CACNA1D: variants seen among roughly 807,000 people sequenced by gnomAD.
CACNA1D encodes the protein voltage-dependent L-type calcium channel subunit alpha-1D.
CACNA1D carries 55 observed loss-of-function variants against 257.1 expected under a neutral mutation model. The observed-to-expected ratio is 0.21, with a 90% CI of 0.17 to 0.27. CACNA1D has a LOEUF of 0.27. CACNA1D is among the 10% of genes least tolerant of loss of function. CACNA1D has a pLI of 1.00. For synonymous variants in CACNA1D, 980 were observed against 1,014.9 expected, an observed-to-expected ratio of 0.97 and a Z score of 0.65; for missense variants, 1,876 against 2,784.0, an observed-to-expected ratio of 0.67 and a Z score of 7.34.
intron 47 of CACNA1D, chr3:53,810,663 CAGG>C (rs1051453106): frequency 7.6e-5 from 26 of 344,316 alleles, no homozygotes; most frequent in African/African-American, 5.3e-4. Flanking sequence ...GAGGCTGCAG[CAGG>C]AGAACTGCTT....
chr3:53,611,262 G>C (rs1265298523), intron 3 of CACNA1D, among the ~76,000 whole-genome samples: 1 of 152,178 alleles, frequency 6.6e-6, no homozygotes, highest in East Asian at 1.9e-4. Context: ...GCATGTGCCT[G>C]TAATACCAGA....
intron 20 of CACNA1D, among the ~76,000 whole-genome samples, chr3:53,739,388 G>C (rs1267242467): frequency 2.0e-5 from 3 of 152,228 alleles, no homozygotes; most frequent in Non-Finnish European, 4.4e-5. Context: ...TTGCAGATAA[G>C]GGTGCTACGG....
intron 8 of CACNA1D, among the ~76,000 whole-genome samples, chr3:53,682,080 A>C (rs1195102750): frequency 1.3e-5 from 2 of 152,210 alleles, no homozygotes; most frequent in Non-Finnish European, 2.9e-5. Flanking sequence ...GAAGGGTAAG[A>C]GAATGCATGG....
chr3:53,777,067 G>A, intron 37 of CACNA1D, 111 bp downstream of exon 37: 2 of 796,254 alleles, frequency 2.5e-6, no homozygotes, highest in Non-Finnish European at 4.4e-6. Flanking sequence ...TAGGGATGCA[G>A]CAATGAATAA....
At chr3:53,776,118 C>A in intron 35 of CACNA1D, 73 bp downstream of exon 35, 3 of 1,361,708 alleles carry the variant, frequency 2.2e-6, no homozygotes, top group Non-Finnish European at 3.1e-6. Context: ...CACAAATGGC[C>A]TTGCCCTGTC....
intron 10 of CACNA1D, among the ~76,000 whole-genome samples, chr3:53,719,375 T>C (rs920518119): frequency 6.6e-6 from 1 of 152,174 alleles, no homozygotes; most frequent in Non-Finnish European, 1.5e-5. Context: ...ACTCACCCAG[T>C]GGGAGAATGG....
chr3:53,783,768 T>G (rs1302928534), intron 39 of CACNA1D, among the ~76,000 whole-genome samples: 1 of 152,254 alleles, frequency 6.6e-6, no homozygotes. Context: ...TATCCTTCAG[T>G]AGGCCCATGT....
intron 3 of CACNA1D, among the ~76,000 whole-genome samples, chr3:53,541,326 T>G (rs2092291383): frequency 6.6e-6 from 1 of 152,228 alleles, no homozygotes; most frequent in Non-Finnish European, 1.5e-5. Flanking sequence ...TTTTGTTAGG[T>G]CTAACCTGTA....
intron 20 of CACNA1D, among the ~76,000 whole-genome samples, chr3:53,737,789 T>C (rs2095073504): frequency 1.3e-5 from 2 of 152,302 alleles, no homozygotes; most frequent in African/African-American, 2.4e-5. Flanking sequence ...TGCCATTGCA[T>C]TCCAGCCTCT....
chr3:53,649,619 G>A (rs923370064), intron 3 of CACNA1D, among the ~76,000 whole-genome samples: 2 of 152,154 alleles, frequency 1.3e-5, no homozygotes, highest in Admixed American at 6.5e-5. Flanking sequence ...TAGAAGTGGT[G>A]TTCACGTGTT....
At chr3:53,595,366 AC>A (rs1312765384) in intron 3 of CACNA1D, among the ~76,000 whole-genome samples, 1 of 152,212 alleles carries the variant, frequency 6.6e-6, no homozygotes, top group Non-Finnish European at 1.5e-5. Flanking sequence ...AACAGGATGG[AC>A]ACCAGAGGCC....
At chr3:53,780,230 C>A in intron 38 of CACNA1D, 102 bp downstream of exon 38, 1 of 952,020 alleles carries the variant, frequency 1.1e-6, no homozygotes, top group Non-Finnish European at 1.7e-6. Context: ...CAAGGGGAGG[C>A]CCTGGGGAAG....
chr3:53,537,571 G>A (rs920013751), intron 3 of CACNA1D, among the ~76,000 whole-genome samples: 1 of 152,056 alleles, frequency 6.6e-6, no homozygotes, highest in Non-Finnish European at 1.5e-5. Flanking sequence ...TAATTCCTTA[G>A]TGTATATTTG....
chr3:53,703,890 A>G (rs1357786716), intron 9 of CACNA1D, among the ~76,000 whole-genome samples: 2 of 152,146 alleles, frequency 1.3e-5, no homozygotes, highest in African/African-American at 4.8e-5. Flanking sequence ...GCACACATAG[A>G]GGGCAGGCAC....
chr3:53,724,077 C>A, intron 14 of CACNA1D, 78 bp downstream of exon 14: 1 of 1,145,848 alleles, frequency 8.7e-7, no homozygotes, highest in Non-Finnish European at 1.3e-6. Context: ...TCTGCTCACA[C>A]TCAGGAAGAC....
chr3:53,645,665 T>C (rs891235117), intron 3 of CACNA1D, among the ~76,000 whole-genome samples: 7 of 152,226 alleles, frequency 4.6e-5, no homozygotes, highest in Non-Finnish European at 1.0e-4. Flanking sequence ...GTTAAAGAGG[T>C]AATTTTTTAA....
chr3:53,669,954 A>T (rs1161810239), intron 7 of CACNA1D, among the ~76,000 whole-genome samples: 1 of 152,232 alleles, frequency 6.6e-6, no homozygotes, highest in Non-Finnish European at 1.5e-5. Context: ...TTTCCCTTCA[A>T]CTTAGAGGAA....
At chr3:53,600,948 A>T (rs1467255718) in intron 3 of CACNA1D, among the ~76,000 whole-genome samples, 1 of 152,066 alleles carries the variant, frequency 6.6e-6, no homozygotes, top group African/African-American at 2.4e-5. Flanking sequence ...CGGTGAGTCC[A>T]TTGTGTTTTT....
chr3:53,771,671 A>G (rs566931227), intron 32 of CACNA1D, among the ~76,000 whole-genome samples: 289 of 152,390 alleles, frequency 1.9e-3, no homozygotes, highest in Non-Finnish European at 3.4e-3. Flanking sequence ...TGCTATAAAA[A>G]TAGATAATTC....
Sources: gnomAD v4.1 joint callset for allele counts (sites outside exome capture counted in the v4.1 genomes callset) on GRCh38, gnomAD v4.1.1 for gene constraint, MANE v1.5 for transcripts, NCBI Gene and HGNC (gene_info 2026-07-23, HGNC 2026-07-21) for gene names.